The following FGF14 variants were observed in gnomAD, a reference collection of about 807,000 sequenced individuals.
The protein encoded by FGF14 is fibroblast growth factor 14, also known as fibroblast growth factor homologous factor 4.
Under a neutral mutation model 25.5 loss-of-function variants are expected in FGF14, and 5 were observed. The ratio of observed to expected loss-of-function variants is 0.20; its 90% CI spans 0.10 to 0.41. FGF14 has a LOEUF of 0.41. Ranked by LOEUF, FGF14 falls within the 10% of genes least tolerant of loss-of-function variation. The probability of loss-of-function intolerance (pLI) is 1.00; values close to 1 mark genes in which losing one functional copy is unlikely to be tolerated. For missense variants in FGF14, 222 were observed against 320.1 expected, an observed-to-expected ratio of 0.69 and a Z score of 2.34; for synonymous variants, 138 against 118.3, an observed-to-expected ratio of 1.17 and a Z score of -1.08.
intron 1 of FGF14, among the ~76,000 whole-genome samples, chr13:102,263,802 A>G (rs572285015): frequency 6.6e-6 from 1 of 152,158 alleles, no homozygotes; most frequent in African/African-American, 2.4e-5. Context: ...TAGACAGTGA[A>G]ATAATTCACT....
At chr13:102,141,947 T>C (rs2046659647) in intron 1 of FGF14, among the ~76,000 whole-genome samples, 1 of 152,172 alleles carries the variant, frequency 6.6e-6, no homozygotes, top group African/African-American at 2.4e-5. Flanking sequence ...AATCAAAACA[T>C]ACTCATACTT....
chr13:101,808,079 T>C (rs1226039357), intron 3 of FGF14, among the ~76,000 whole-genome samples: 1 of 152,048 alleles, frequency 6.6e-6, no homozygotes, highest in Non-Finnish European at 1.5e-5. Context: ...ACACAGAGTT[T>C]AGCTCTGTGG....
At chr13:101,890,579 A>T (rs2046217047) in intron 1 of FGF14, among the ~76,000 whole-genome samples, 1 of 152,164 alleles carries the variant, frequency 6.6e-6, no homozygotes, top group Non-Finnish European at 1.5e-5. Context: ...AGGTTACAAC[A>T]ATATGGGGTG....
intron 1 of FGF14, among the ~76,000 whole-genome samples, chr13:102,327,293 C>G (rs1265625536): frequency 1.3e-5 from 2 of 152,188 alleles, no homozygotes; most frequent in Admixed American, 6.5e-5. Flanking sequence ...TCCAAGGTGA[C>G]TTGGCAGGGA....
intron 1 of FGF14, among the ~76,000 whole-genome samples, chr13:102,223,778 C>T (rs1406570654): frequency 2.6e-5 from 4 of 152,094 alleles, no homozygotes; most frequent in Non-Finnish European, 5.9e-5. Flanking sequence ...AATGTTCTGC[C>T]CTAGAGCCCA....
intron 1 of FGF14, among the ~76,000 whole-genome samples, chr13:102,206,346 C>T (rs927909127): frequency 6.6e-5 from 10 of 152,142 alleles, no homozygotes; most frequent in Middle Eastern, 6.8e-3. Flanking sequence ...AATAAATAAG[C>T]CACAGCACTT....
chr13:101,902,459 T>C (rs1232516617), intron 1 of FGF14, among the ~76,000 whole-genome samples: 4 of 152,184 alleles, frequency 2.6e-5, no homozygotes, highest in African/African-American at 9.7e-5. Context: ...GAACTTTAAA[T>C]ACCATGCCAA....
intron 3 of FGF14, among the ~76,000 whole-genome samples, chr13:101,851,357 G>T (rs1473474685): frequency 1.3e-5 from 2 of 151,990 alleles, no homozygotes; most frequent in Non-Finnish European, 2.9e-5. Context: ...TTCTCCCCCT[G>T]AGCCCTCAGA....
intron 1 of FGF14, among the ~76,000 whole-genome samples, chr13:102,189,024 AGAAAAGAAAGAAAGAAAG>A (rs1357168781): frequency 6.1e-4 from 43 of 70,474 alleles, no homozygotes; most frequent in Non-Finnish European, 1.0e-3. Context: ...GAATGAAAGA[AGAAAAGAAAGAAAGAAAG>A]AGAAAGAATG....
At chr13:102,399,152 G>A (rs1397174811) in intron 1 of FGF14, among the ~76,000 whole-genome samples, 1 of 151,992 alleles carries the variant, frequency 6.6e-6, no homozygotes, top group Non-Finnish European at 1.5e-5. Context: ...GATGAAAGTG[G>A]GTGGGATGGA....
chr13:102,212,807 G>A (rs564486437), intron 1 of FGF14, among the ~76,000 whole-genome samples: 1 of 152,204 alleles, frequency 6.6e-6, no homozygotes, highest in Admixed American at 6.5e-5. Flanking sequence ...GAATTATGAT[G>A]GGCTTCTACC....
intron 1 of FGF14, among the ~76,000 whole-genome samples, chr13:102,213,642 A>T (rs2050250447): frequency 6.6e-6 from 1 of 152,230 alleles, no homozygotes; most frequent in Non-Finnish European, 1.5e-5. Context: ...GCAATAAATC[A>T]GGGAGATGGC....
intron 1 of FGF14, among the ~76,000 whole-genome samples, chr13:102,020,036 C>T (rs1401769882): frequency 1.3e-5 from 2 of 152,012 alleles, no homozygotes; most frequent in Non-Finnish European, 2.9e-5. Flanking sequence ...AAAACATACA[C>T]AATACACTCA....
chr13:102,279,811 T>C (rs1306902498), intron 1 of FGF14, among the ~76,000 whole-genome samples: 2 of 152,214 alleles, frequency 1.3e-5, no homozygotes, highest in African/African-American at 2.4e-5. Flanking sequence ...ATAAAACCCT[T>C]TGGGAACTCT....
intron 1 of FGF14, among the ~76,000 whole-genome samples, chr13:102,211,374 CT>C (rs1346954619): frequency 1.3e-5 from 2 of 152,110 alleles, no homozygotes; most frequent in Non-Finnish European, 2.9e-5. Flanking sequence ...TAAAGAATGC[CT>C]TGCTCTGTTG....
At chr13:101,742,747 T>A (rs2036633816) in intron 3 of FGF14, among the ~76,000 whole-genome samples, 2 of 152,140 alleles carry the variant, frequency 1.3e-5, no homozygotes, top group African/African-American at 4.8e-5. Context: ...TGGGCAAAGC[T>A]GCCTCCCATT....
intron 1 of FGF14, among the ~76,000 whole-genome samples, chr13:102,183,652 ATG>A (rs2048765272): frequency 6.6e-6 from 1 of 152,112 alleles, no homozygotes; most frequent in Non-Finnish European, 1.5e-5. Flanking sequence ...CTCCCACCCC[ATG>A]TGAGTCAGTC....
At chr13:101,997,044 C>G (rs2039222130) in intron 1 of FGF14, among the ~76,000 whole-genome samples, 1 of 152,214 alleles carries the variant, frequency 6.6e-6, no homozygotes, top group Admixed American at 6.5e-5. Flanking sequence ...CTGCAGCCAG[C>G]TGAATTAGCA....
intron 3 of FGF14, among the ~76,000 whole-genome samples, chr13:101,790,061 C>G (rs1555383143): frequency 6.6e-6 from 1 of 151,726 alleles, no homozygotes; most frequent in Non-Finnish European, 1.5e-5. Flanking sequence ...TGGGTCCCAT[C>G]TCTATCATCA....
Sources: gnomAD v4.1 joint callset for allele counts (sites outside exome capture counted in the v4.1 genomes callset) on GRCh38, gnomAD v4.1.1 for gene constraint, MANE v1.5 for transcripts, NCBI Gene and HGNC (gene_info 2026-07-23, HGNC 2026-07-21) for gene names.